Variants in GPR161 observed in about 807,000 individuals in gnomAD.
GPR161 encodes the protein G-protein coupled receptor RE2.
A neutral mutation model predicts 39.2 loss-of-function variants in GPR161; 25 were observed. The ratio of observed to expected loss-of-function variants is 0.64; its 90% confidence interval spans 0.47 to 0.89. The LOEUF (loss-of-function observed/expected upper bound fraction) is 0.89, where lower values mean the gene tolerates loss of function less well. GPR161 is among the 40% of genes least tolerant of loss of function. The pLI, the probability that GPR161 is intolerant of heterozygous loss-of-function variation, is 0.00. For synonymous variants in GPR161, 286 were observed against 276.6 expected (o/e 1.03, Z -0.34); for missense variants, 547 against 677.8 (o/e 0.81, Z 2.14).
At position 168,096,716 on chromosome 1, in the gene GPR161, C is replaced by T. The variant is rs755038788; in HGVS notation, c.891G>A (p.Gly297=). 2 of 1,613,984 alleles carry T rather than the reference C, an allele frequency of 1.2e-6. No individual in the cohort carries two copies. Among genetic ancestry groups the T allele is most frequent in the Non-Finnish European group, 1.7e-6 (2 of 1,179,988 alleles). ...MVVIASEALW[G]KSSVSPSLET... is the part of the protein sequence containing the mutation. ...CCAGGCTCGGGGAGACGGAGCTTTT[C>T]CCCCAGAGGGCCTCAGAGGCGATGA... The change falls in exon 3 of 6, where the codon GGG becomes GGA. Residue 297 remains glycine (G), a synonymous_variant. Transcript: ENST00000682931.
Position 168,104,777 on chromosome 1 carries a change from C to T in GPR161, c.74G>A (p.Gly25Asp). 1 of 1,613,914 alleles carries T rather than the reference C, an allele frequency of 6.2e-7. No individual in the cohort carries two copies. Among genetic ancestry groups the T allele is most frequent in the Non-Finnish European group, 8.5e-7 (1 of 1,179,894 alleles). Residue 25 changes from glycine (G) to aspartate (D), a missense_variant, in exon 2 of 6, where the codon GGC becomes GAC. Physicochemically the swap from Gly to Asp is moderately conservative, Grantham distance 94. Transcript: ENST00000682931. Reference sequence around the variant, plus strand: ...GGCGATGAACTGGGTGATGATGACGCCCCCTTCGCCACCCTCCTCCTCAGT... The same window carrying T: ...GGCGATGAACTGGGTGATGATGACGTCCCCTTCGCCACCCTCCTCCTCAGT... ...NLTEEEGGEGGVIITQFIAII... is the reference protein window; with the variant it reads ...NLTEEEGGEGDVIITQFIAII...
At position 168,104,583 on chromosome 1, in the gene GPR161, G is replaced by C. The variant is rs745783009; in HGVS notation, c.268C>G (p.Arg90Gly). 4 of 1,613,790 alleles carry C rather than the reference G, an allele frequency of 2.5e-6. No homozygotes were observed. Among genetic ancestry groups the C allele is most frequent in the Non-Finnish European group, 3.4e-6 (4 of 1,179,866 alleles). Residue 90 changes from arginine (R) to glycine (G), a missense_variant, in exon 2 of 6, where the codon CGC (arginine) becomes GGC (glycine). Coordinates refer to ENST00000682931, the MANE Select transcript of GPR161 (RefSeq NM_001375883.1). ...ACTACACCAAAGATCCATTCCCTGCGGATGGAGCTCGTCACCACAAAAGGC... is the reference window on the plus strand; with the variant it reads ...ACTACACCAAAGATCCATTCCCTGCCGATGGAGCTCGTCACCACAAAAGGC... ...VLPFVVTSSI[R>G]REWIFGVVWC...
At chr1:168,123,527 T>C (rs1467550027) in intron 1 of GPR161, among the ~76,000 whole-genome samples, 1 of 123,186 alleles carries the variant, frequency 8.1e-6, no homozygotes, top group Non-Finnish European at 1.6e-5. Flanking sequence ...GATATAGATA[T>C]GCACATACAT....
intron 1 of GPR161, among the ~76,000 whole-genome samples, chr1:168,129,944 C>T (rs922274328): frequency 1.3e-5 from 2 of 152,160 alleles, no homozygotes; most frequent in Non-Finnish European, 1.5e-5. Context: ...ACATCCTAGC[C>T]AAACCCAATG....
chr1:168,134,991 CCA>C, intron 1 of GPR161: 1 of 1,535,322 alleles, frequency 6.5e-7, no homozygotes, highest in South Asian at 1.2e-5. Flanking sequence ...AGCCCTCTGA[CCA>C]CACAGTGCTC....
intron 3 of GPR161, among the ~76,000 whole-genome samples, chr1:168,091,124 G>C (rs925710458): frequency 6.6e-6 from 1 of 152,234 alleles, no homozygotes; most frequent in African/African-American, 2.4e-5. Context: ...AGATGGTTGA[G>C]AGTGATGAGC....
At chr1:168,122,075 G>A (rs542068240) in intron 1 of GPR161, among the ~76,000 whole-genome samples, 8 of 152,244 alleles carry the variant, frequency 5.3e-5, no homozygotes, top group South Asian at 2.1e-4. Context: ...TCCTACCTCC[G>A]ACCAAAATCT....
chr1:168,132,172 G>A (rs1334552606), intron 1 of GPR161, among the ~76,000 whole-genome samples: 1 of 152,190 alleles, frequency 6.6e-6, no homozygotes, highest in African/African-American at 2.4e-5. Flanking sequence ...GGCTGAGGCA[G>A]GAGAATCACT....
At chr1:168,112,479 CAAAAAAAAAAAAAA>C (rs57030886) in intron 1 of GPR161, among the ~76,000 whole-genome samples, 1 of 63,080 alleles carries the variant, frequency 1.6e-5, no homozygotes, top group South Asian at 7.8e-4. Context: ...GACTCCGTCT[CAAAAAAAAAAAAAA>C]AAAAAAAAAA....
At chr1:168,119,003 A>G (rs1330856292) in intron 1 of GPR161, among the ~76,000 whole-genome samples, 1 of 151,788 alleles carries the variant, frequency 6.6e-6, no homozygotes, top group African/African-American at 2.4e-5. Flanking sequence ...GTAAAATGGT[A>G]CAGCCACTGT....
In GPR161 at chr1:168,082,397, G is replaced by A. The variant is rs1694141425; in HGVS notation, c.*3134C>T. ...CCAGCCAGAGGCAAACAAGCTCTCA[G>A]GTTCATCCTTGGCTCTGCACAGCCA... On this transcript the variant is annotated 3_prime_UTR_variant, in exon 6 of 6. Coordinates refer to ENST00000682931, the MANE Select transcript of GPR161 (RefSeq NM_001375883.1). 1 of 152,252 alleles carries A rather than the reference G, an allele frequency of 6.6e-6. No individual in the cohort carries two copies. Among genetic ancestry groups the A allele is most frequent in the South Asian group, 2.1e-4 (1 of 4,826 alleles). 9.4% of individuals were successfully genotyped at this position (152,252 alleles called of 1,614,324 possible). A position where few individuals can be genotyped will look rare whatever the true frequency, so the allele number is the denominator to read the frequency against.
chr1:168,123,533 T>TACATAC (rs745728632), intron 1 of GPR161, among the ~76,000 whole-genome samples: 1 of 97,652 alleles, frequency 1.0e-5, no homozygotes, highest in South Asian at 3.2e-4. Flanking sequence ...GATATGCACA[T>TACATAC]ACATACACAC....
At chr1:168,097,539 G>C (rs1373718456) in intron 2 of GPR161, among the ~76,000 whole-genome samples, 1 of 152,160 alleles carries the variant, frequency 6.6e-6, no homozygotes, top group Non-Finnish European at 1.5e-5. Context: ...GGTCCTGAGG[G>C]ATTATGCATT....
intron 1 of GPR161, among the ~76,000 whole-genome samples, chr1:168,122,311 G>C (rs768766292): frequency 2.6e-5 from 4 of 152,100 alleles, no homozygotes; most frequent in Non-Finnish European, 5.9e-5. Flanking sequence ...AAAGTATCCA[G>C]AATTCACCTA....
rs1212611668 is a variant in GPR161, at chr1:168,134,001, A to G, written c.-45+2738T>C. ...GAAGAGGTGGAGGGGAATTTAATTTATTTTCCTATATGTTACTGTGTTTTA... is the reference window on the plus strand; with the variant it reads ...GAAGAGGTGGAGGGGAATTTAATTTGTTTTCCTATATGTTACTGTGTTTTA... On this transcript the variant is annotated intron_variant, in intron 1 of 5. Coordinates refer to ENST00000682931, the MANE Select transcript of GPR161 (RefSeq NM_001375883.1). 3.9e-5 allele frequency: 9 copies of G among 228,304 alleles called. 1 individual carries two copies. The Admixed American group carries it at 4.6e-4, about 12-fold the overall frequency. The allele number at this position is 228,304 out of a possible 1,614,324, so 14.1% of individuals were successfully genotyped here.
intron 1 of GPR161, among the ~76,000 whole-genome samples, chr1:168,127,863 A>G (rs1336112243): frequency 6.6e-6 from 1 of 152,242 alleles, no homozygotes; most frequent in African/African-American, 2.4e-5. Flanking sequence ...CTACTTGTTG[A>G]TGCGGAAGAG....
Position 168,136,522 on chromosome 1 carries a change from A to G in GPR161, c.-45+217T>C, listed in dbSNP as rs183207469. The G allele has an allele frequency of 5.0e-4, 629 of 1,255,658 alleles. 3 individuals carry two copies. The African/African-American group carries it at 9.0e-3, about 18-fold the overall frequency. 77.8% of individuals were successfully genotyped at this position (1,255,658 alleles called of 1,614,324 possible). ...AGGGGCGCGCCCCCAACATCTTCCC[A>G]CAAAGAGCTCCAGCTCTCCAAAGCA... On this transcript the variant is annotated intron_variant, in intron 1 of 5. Transcript: ENST00000682931.
At chr1:168,118,049 T>C (rs1191091895) in intron 1 of GPR161, among the ~76,000 whole-genome samples, 4 of 152,088 alleles carry the variant, frequency 2.6e-5, no homozygotes, top group African/African-American at 7.2e-5. Context: ...AGACAATATA[T>C]CAAGTCACAG....
rs1230684899 is a variant in GPR161, at chr1:168,084,996, A to G, written c.*535T>C. 2.0e-5 allele frequency: 9 copies of G among 456,278 alleles called. 1 individual carries two copies. Among genetic ancestry groups the G allele is most frequent in the Admixed American group, 1.9e-4 (8 of 42,568 alleles). 28.3% of individuals were successfully genotyped at this position (456,278 alleles called of 1,614,324 possible). The stretch of plus-strand genomic sequence containing the variant: ...GGTGCTTTCTCTGCGGACCAGTCCT[A>G]GAACTGAGGGTCCCACACTGCCCGC... On this transcript the variant is annotated 3_prime_UTR_variant, in exon 6 of 6. Coordinates refer to ENST00000682931, the MANE Select transcript of GPR161 (RefSeq NM_001375883.1).
Sources: gnomAD v4.1 joint callset for allele counts (sites outside exome capture counted in the v4.1 genomes callset) on GRCh38, gnomAD v4.1.1 for gene constraint, MANE v1.5 for transcripts, NCBI Gene and HGNC (gene_info 2026-07-23, HGNC 2026-07-21) for gene names.